Variants in RP1L1 observed in about 807,000 individuals in gnomAD.
RP1L1 encodes retinitis pigmentosa 1-like 1 protein.
In RP1L1, 27 loss-of-function variants were observed where a neutral mutation model predicts 15.7. The observed-to-expected ratio is 1.72, with a 90% CI of 1.27 to 2.38. The LOEUF is 2.38. RP1L1 is among the 30% of genes most tolerant of loss of function. The probability of loss-of-function intolerance (pLI) is 0.00; values close to 1 mark genes in which losing one functional copy is unlikely to be tolerated. For missense variants in RP1L1, 4,798 were observed against 3,075.9 expected (o/e 1.56, Z -13.24); for synonymous variants, 1,813 against 1,276.7 (o/e 1.42, Z -8.96).
At position 10,612,842 on chromosome 8, in the gene RP1L1, C is replaced by A; in HGVS notation, c.1256G>T (p.Arg419Ile). Reference protein sequence around the residue: ...TNPLHASQGERVAARKRWGLA... With the variant: ...TNPLHASQGEIVAARKRWGLA... Reference sequence around the variant, plus strand: ...TCCCCACCTCTTCCGAGCTGCCACTCTCTCTCCCTGGGAGGCATGCAGGGG... The same window carrying A: ...TCCCCACCTCTTCCGAGCTGCCACTATCTCTCCCTGGGAGGCATGCAGGGG... The change falls in exon 4 of 4, where the codon AGA becomes ATA. Residue 419 changes from arginine to isoleucine, a missense_variant. Coordinates refer to ENST00000382483, the MANE Select transcript of RP1L1 (RefSeq NM_178857.6). The A allele has an allele frequency of 5.6e-6, 9 of 1,612,792 alleles. No homozygotes were observed. Among genetic ancestry groups the A allele is most frequent in the Non-Finnish European group, 7.6e-6 (9 of 1,179,924 alleles).
chr8:10,611,960 G>A lies in RP1L1; in HGVS notation c.2138C>T (p.Thr713Ile), dbSNP rs1252195919. 2.5e-6 allele frequency: 4 copies of A among 1,613,906 alleles called. No individual in the cohort carries two copies. Among genetic ancestry groups the A allele is most frequent in the Admixed American group, 3.3e-5 (2 of 60,034 alleles). ...RYSGSSSSTR[T>I]QASGNLRPPS... ...AGGTCTCAGGTTCCCAGAGGCCTGT[G>A]TCCTGGTGCTCGATGAGCTTCCAGA... is the stretch of plus-strand genomic sequence containing the variant. The change falls in exon 4 of 4, where the codon ACA (threonine) becomes ATA (isoleucine). Residue 713 changes from threonine to isoleucine, a missense_variant. Transcript: ENST00000382483.
Position 10,609,381 on chromosome 8 carries a change from T to C in RP1L1, c.4717A>G (p.Lys1573Glu), listed in dbSNP as rs1306067077. The C allele has an allele frequency of 3.1e-6, 5 of 1,612,372 alleles. No homozygotes were observed. Among genetic ancestry groups the C allele is most frequent in the Admixed American group, 3.3e-5 (2 of 59,980 alleles). ...CCCTGGAGCTTCTGGAGCTCTCTCT[T>C]GGTGCTGTCCTGGAGGCGTTGGGCC... Reference protein sequence around the residue: ...DVAQRLQDSTKRELQKLQGRA... With the variant: ...DVAQRLQDSTERELQKLQGRA... The change falls in exon 4 of 4, where the codon AAG becomes GAG. Residue 1573 changes from lysine to glutamate, a missense_variant. Lys to Glu is a moderately conservative substitution (Grantham distance 56, BLOSUM62 1). Coordinates refer to ENST00000382483, the MANE Select transcript of RP1L1 (RefSeq NM_178857.6).
Position 10,606,824 on chromosome 8 carries a change from C to G in RP1L1, c.*71G>C. ...CATCTCCAGTGGACTGAACGTTGCT[C>G]AGTTTTGTAGAAAAAATATGAATAA... is the stretch of plus-strand genomic sequence containing the variant. On this transcript the variant is annotated 3_prime_UTR_variant, in exon 4 of 4. Coordinates refer to ENST00000382483, the MANE Select transcript of RP1L1 (RefSeq NM_178857.6). 3.7e-6 allele frequency: 6 copies of G among 1,606,444 alleles called. No homozygotes were observed. Among genetic ancestry groups the G allele is most frequent in the Non-Finnish European group, 5.1e-6 (6 of 1,179,542 alleles).
At chr8:10,629,355 T>C (rs1798206707) in intron 1 of RP1L1, among the ~76,000 whole-genome samples, 1 of 152,058 alleles carries the variant, frequency 6.6e-6, no homozygotes, top group Admixed American at 6.5e-5. Context: ...TGGGAGCCAA[T>C]GAATAGTCAC....
intron 1 of RP1L1, among the ~76,000 whole-genome samples, chr8:10,645,817 T>G (rs893391857): frequency 3.9e-5 from 6 of 152,194 alleles, no homozygotes; most frequent in Non-Finnish European, 8.8e-5. Flanking sequence ...GCTCACCTAT[T>G]GGCCACCAGG....
At chr8:10,631,249 A>G (rs1275490656) in intron 1 of RP1L1, among the ~76,000 whole-genome samples, 1 of 151,536 alleles carries the variant, frequency 6.6e-6, no homozygotes, top group East Asian at 1.9e-4. Flanking sequence ...ACACATGCAC[A>G]CATGCACACA....
intron 1 of RP1L1, among the ~76,000 whole-genome samples, chr8:10,653,642 C>A (rs1325648911): frequency 1.4e-5 from 2 of 138,234 alleles, no homozygotes; most frequent in African/African-American, 5.2e-5. Context: ...CTCATGTGCA[C>A]ACCCACACAC....
In RP1L1 at chr8:10,606,861, C is replaced by A. The variant is rs1453518193; in HGVS notation, c.*34G>T. The A allele has an allele frequency of 3.1e-6, 5 of 1,613,188 alleles. No homozygotes were observed. The highest frequency in any genetic ancestry group is 1.7e-5 in the Admixed American group (1 of 60,002). On this transcript the variant is annotated 3_prime_UTR_variant, in exon 4 of 4. Coordinates refer to ENST00000382483, the MANE Select transcript of RP1L1 (RefSeq NM_178857.6). Reference sequence around the variant, plus strand: ...AAAAATATGAATAAAAACAGAGCTCCCAAGCTCGTGATTGTTTTCTAGCTT... The same window carrying A: ...AAAAATATGAATAAAAACAGAGCTCACAAGCTCGTGATTGTTTTCTAGCTT...
Position 10,611,846 on chromosome 8 carries a change from C to T in RP1L1, c.2252G>A (p.Gly751Glu), listed in dbSNP as rs1262785057. 1.2e-6 allele frequency: 2 copies of T among 1,613,802 alleles called. No homozygotes were observed. Among genetic ancestry groups the T allele is most frequent in the Non-Finnish European group, 1.7e-6 (2 of 1,180,030 alleles). The change falls in exon 4 of 4, where the codon GGA becomes GAA. Residue 751 changes from glycine (G) to glutamate (E), a missense_variant. Physicochemically the swap from Gly to Glu is moderately conservative, Grantham distance 98. Transcript: ENST00000382483. ...AGAGGGAGCGTTGTGCGGGGAGACT[C>T]CAGAAACAAAATCCGAGTGGACTGC... Reference protein sequence around the residue: ...TPAVHSDFVSGVSPHNAPSAG... With the variant: ...TPAVHSDFVSEVSPHNAPSAG...
chr8:10,645,960 A>G (rs991762779), intron 1 of RP1L1, among the ~76,000 whole-genome samples: 1 of 151,770 alleles, frequency 6.6e-6, no homozygotes, highest in Non-Finnish European at 1.5e-5. Context: ...CATCCCTTCA[A>G]CCCCCTGCAG....
Position 10,606,684 on chromosome 8 carries a change from T to A in RP1L1, c.*211A>T. ...CCGCAGACACCCCCTTTCTTCACAC[T>A]GCGTGTGGGACGGGCCGCAGAGCTC... On this transcript the variant is annotated 3_prime_UTR_variant, in exon 4 of 4. Transcript: ENST00000382483. The A allele has an allele frequency of 2.7e-6, 2 of 754,544 alleles. No homozygotes were observed. The highest frequency in any genetic ancestry group is 4.1e-6 in the Non-Finnish European group (2 of 482,500). The allele number at this position is 754,544 out of a possible 1,614,324, so 46.7% of individuals were successfully genotyped here.
intron 1 of RP1L1, among the ~76,000 whole-genome samples, chr8:10,624,739 G>A (rs904311254): frequency 6.6e-6 from 1 of 152,176 alleles, no homozygotes; most frequent in Non-Finnish European, 1.5e-5. Flanking sequence ...TCTGGCTGCC[G>A]GACATCTGCC....
rs1360294928 is a variant in RP1L1 at position 10,608,802 on chromosome 8, C to G, written c.5296G>C (p.Asp1766His). Residue 1766 changes from aspartate to histidine, a missense_variant, in exon 4 of 4, where the codon GAT (aspartate) becomes CAT (histidine). By Grantham distance (81) the Asp-to-His change is moderately conservative. Coordinates refer to ENST00000382483, the MANE Select transcript of RP1L1 (RefSeq NM_178857.6). Reference sequence around the variant, plus strand: ...CCTTCTCTCTCCTGAGCCATTGCATCTCCCTCTGCCTCCCCGAGTTTGGGA... The same window carrying G: ...CCTTCTCTCTCCTGAGCCATTGCATGTCCCTCTGCCTCCCCGAGTTTGGGA... ...KDPKLGEAEG[D>H]AMAQEREGKT... The G allele has an allele frequency of 1.2e-6, 2 of 1,614,206 alleles. No homozygotes were observed. The highest frequency in any genetic ancestry group is 4.5e-5 in the East Asian group (2 of 44,886).
chr8:10,639,370 C>T (rs1798376149), intron 1 of RP1L1, among the ~76,000 whole-genome samples: 1 of 152,040 alleles, frequency 6.6e-6, no homozygotes, highest in Admixed American at 6.5e-5. Flanking sequence ...TTGCTTCTTG[C>T]TGATTGTTTG....
At chr8:10,639,101 G>A (rs548993430) in intron 1 of RP1L1, among the ~76,000 whole-genome samples, 1 of 151,480 alleles carries the variant, frequency 6.6e-6, no homozygotes, top group East Asian at 1.9e-4. Flanking sequence ...GCCGAGATCG[G>A]ACCCTGCACT....
rs765734454 is a variant in RP1L1, at chr8:10,610,852, G to A, written c.3246C>T (p.Ser1082=). ...LRALPGRVSA[S]TQIMRALMGS... ...CCATCAGCGCCCTCATGATCTGCGT[G>A]GAGGCAGACACCCGGCCAGGAAGTG... The change falls in exon 4 of 4, where the codon TCC becomes TCT. Residue 1082 remains serine, a synonymous_variant. Coordinates refer to ENST00000382483, the MANE Select transcript of RP1L1 (RefSeq NM_178857.6). 5 of 1,608,440 alleles carry A rather than the reference G, an allele frequency of 3.1e-6. No individual in the cohort carries two copies. The highest frequency in any genetic ancestry group is 2.2e-5 in the East Asian group (1 of 44,764).
At chr8:10,645,687 G>A (rs1798466408) in intron 1 of RP1L1, among the ~76,000 whole-genome samples, 1 of 152,162 alleles carries the variant, frequency 6.6e-6, no homozygotes, top group South Asian at 2.1e-4. Flanking sequence ...GCGAGGCTGC[G>A]AGCATTGGGC....
chr8:10,616,004 A>C (rs1298035381), intron 3 of RP1L1, among the ~76,000 whole-genome samples: 1 of 152,150 alleles, frequency 6.6e-6, no homozygotes, highest in African/African-American at 2.4e-5. Context: ...TCCTAGGCTC[A>C]AGGGATCCTC....
intron 1 of RP1L1, among the ~76,000 whole-genome samples, chr8:10,623,522 A>C (rs1031737004): frequency 2.0e-5 from 3 of 149,078 alleles, no homozygotes; most frequent in African/African-American, 4.9e-5. Context: ...ACCACCATGA[A>C]ACCAGGACCA....
Sources: gnomAD v4.1 joint callset for allele counts (sites outside exome capture counted in the v4.1 genomes callset) on GRCh38, gnomAD v4.1.1 for gene constraint, MANE v1.5 for transcripts, NCBI Gene and HGNC (gene_info 2026-07-23, HGNC 2026-07-21) for gene names.